Variants in BEST1 observed in about 807,000 individuals in gnomAD.
BEST1 encodes the protein bestrophin-1.
Under a neutral mutation model 63.3 loss-of-function variants are expected in BEST1, and 58 were observed. The observed-to-expected ratio is 0.92, with a 90% CI of 0.74 to 1.14. The LOEUF (loss-of-function observed/expected upper bound fraction) is 1.14, where lower values mean the gene tolerates loss of function less well. Among genes scored for constraint, BEST1 ranks in the 50% most tolerant of loss-of-function variants. BEST1 has a pLI of 0.00. For synonymous variants in BEST1, 283 were observed against 291.6 expected, an observed-to-expected ratio of 0.97 and a Z score of 0.30; for missense variants, 671 against 740.1, an observed-to-expected ratio of 0.91 and a Z score of 1.08.
Position 61,964,314 on chromosome 11 carries a change from A to G in BEST1, c.*192A>G. On this transcript the variant is annotated 3_prime_UTR_variant, in exon 11 of 11. Coordinates refer to ENST00000378043, the MANE Select transcript of BEST1 (RefSeq NM_004183.4). ...GCCTTTAATGCCTTTTATTCATAAA[A>G]ACTGTGAAAGCTAGACTGAACCATT... The G allele has an allele frequency of 8.9e-7, 1 of 1,121,362 alleles. No homozygotes were observed. The allele number at this position is 1,121,362 out of a possible 1,614,324, so 69.5% of individuals were successfully genotyped here. A position where few individuals can be genotyped will look rare whatever the true frequency, so the allele number is the denominator to read the frequency against.
chr11:61,958,267 T>G lies in BEST1; in HGVS notation c.836T>G (p.Leu279Arg). The change falls in exon 7 of 11, where the codon CTG becomes CGG. Residue 279 changes from leucine to arginine, a missense_variant. Leu to Arg is a moderately radical substitution (Grantham distance 102). Coordinates refer to ENST00000378043, the MANE Select transcript of BEST1 (RefSeq NM_004183.4). ...LDLVVPVFTF[L>R]QFFFYVGWLK... is the part of the protein sequence containing the mutation. ...CTCGTTGTGCCCGTCTTCACGTTCCTGCAGTTCTTCTTCTATGTTGGCTGG... is the reference window on the plus strand; with the variant it reads ...CTCGTTGTGCCCGTCTTCACGTTCCGGCAGTTCTTCTTCTATGTTGGCTGG... 1 of 1,614,242 alleles carries G rather than the reference T, an allele frequency of 6.2e-7. No individual in the cohort carries two copies. Among genetic ancestry groups the G allele is most frequent in the Non-Finnish European group, 8.5e-7 (1 of 1,180,036 alleles).
chr11:61,958,361 G>A (rs762277917), intron 7 of BEST1, 63 bp downstream of exon 7: 1 of 1,612,660 alleles, frequency 6.2e-7, no homozygotes, highest in Non-Finnish European at 8.5e-7. Flanking sequence ...GCCAGCAGCT[G>A]CCTGAGACGA....
At chr11:61,956,645 A>C (rs1351364947) in intron 4 of BEST1, among the ~76,000 whole-genome samples, 199 bp from the exon 5 acceptor site, 2 of 152,162 alleles carry the variant, frequency 1.3e-5, no homozygotes, top group African/African-American at 4.8e-5. Flanking sequence ...TGACAGAGCC[A>C]GACCCTTTCT....
intron 2 of BEST1, 137 bp from the exon 3 acceptor site, chr11:61,954,970 A>C (rs1941114409): frequency 6.6e-7 from 1 of 1,510,096 alleles, no homozygotes; most frequent in Non-Finnish European, 8.8e-7. Context: ...AGGCCTCAGG[A>C]GGGGCCCTGG....
chr11:61,962,859 G>A lies in BEST1; in HGVS notation c.1705G>A (p.Asp569Asn), dbSNP rs779987275. 1 of 1,614,136 alleles carries A rather than the reference G, an allele frequency of 6.2e-7. No homozygotes were observed. Among genetic ancestry groups the A allele is most frequent in the South Asian group, 1.1e-5 (1 of 91,084 alleles). The change falls in exon 10 of 11, where the codon GAT (aspartate) becomes AAT (asparagine). Residue 569 changes from aspartate to asparagine, a missense_variant. Physicochemically the swap from Asp to Asn is conservative, Grantham distance 23. Transcript: ENST00000378043. ...AACCAACATACACACTACACTCAAAGATCACATGGATCCTTATTGGGCCTT... is the reference window on the plus strand; with the variant it reads ...AACCAACATACACACTACACTCAAAAATCACATGGATCCTTATTGGGCCTT... ...SPTNIHTTLKDHMDPYWALEN... is the reference protein window; with the variant it reads ...SPTNIHTTLKNHMDPYWALEN...
chr11:61,956,452 G>A (rs1037904875), intron 4 of BEST1, among the ~76,000 whole-genome samples: 3 of 152,108 alleles, frequency 2.0e-5, no homozygotes, highest in African/African-American at 7.2e-5. Context: ...AGCTGTTTGA[G>A]ACGCCCCTGA....
At chr11:61,955,694 T>TCGCCCCC (rs1438317371) in intron 3 of BEST1, 24 bp from the exon 4 acceptor site, 3 of 767,048 alleles carry the variant, frequency 3.9e-6, no homozygotes, top group Non-Finnish European at 6.3e-6. Context: ...CCCTCGCCCC[T>TCGCCCCC]CGCCCCCCGC....
chr11:61,952,099 C>A, intron 2 of BEST1, 141 bp downstream of exon 2: 1 of 1,085,166 alleles, frequency 9.2e-7, no homozygotes, highest in Non-Finnish European at 1.4e-6. Context: ...AGGTCCTGGG[C>A]ACTGGAGCTG....
chr11:61,959,023 C>A (rs1376535520), intron 7 of BEST1: 5 of 256,012 alleles, frequency 2.0e-5, no homozygotes, highest in Non-Finnish European at 3.1e-5. Context: ...CTCCGGGGTG[C>A]CCCAGTGGCC....
chr11:61,961,920 G>A (rs1202542348), intron 9 of BEST1: 1 of 374,742 alleles, frequency 2.7e-6, no homozygotes, highest in African/African-American at 2.1e-5. Flanking sequence ...ACTCATGCCA[G>A]GGCACCAGTG....
chr11:61,953,658 C>T (rs1415855248), intron 2 of BEST1, among the ~76,000 whole-genome samples: 2 of 152,064 alleles, frequency 1.3e-5, no homozygotes, highest in African/African-American at 2.4e-5. Flanking sequence ...TGCAGTGAGC[C>T]GAGACCATGC....
At chr11:61,963,990 CAAA>C (rs34046408) in intron 10 of BEST1, 111 bp from the exon 11 acceptor site, 3,233 of 1,389,782 alleles carry the variant, frequency 2.3e-3, no homozygotes, top group East Asian at 3.4e-3. Context: ...GAGACTGTCT[CAAA>C]AAAAAAAAAA....
intron 1 of BEST1, among the ~76,000 whole-genome samples, chr11:61,951,513 T>C (rs1172883346): frequency 2.0e-5 from 3 of 152,176 alleles, no homozygotes; most frequent in Non-Finnish European, 4.4e-5. Context: ...CCAGTGATTA[T>C]AGAAAGTTAA....
At chr11:61,959,447 G>GGCTTTGAGGAGTTCTGCCTGAGGGTTT in intron 7 of BEST1, 51 bp from the exon 8 acceptor site, 1 of 1,573,194 alleles carries the variant, frequency 6.4e-7, no homozygotes, top group East Asian at 2.2e-5. Flanking sequence ...GGGGGAAGCT[G>GGCTTTGAGGAGTTCTGCCTGAGGGTTT]GCTTTGAGGA....
At chr11:61,951,750 A>C in intron 1 of BEST1, 21 bp from the exon 2 acceptor site, 1 of 1,604,064 alleles carries the variant, frequency 6.2e-7, no homozygotes, top group South Asian at 1.1e-5. Flanking sequence ...CAAACCCCCA[A>C]TCGGTGTCCC....
downstream of BEST1, chr11:61,964,476 G>A: frequency 3.2e-6 from 2 of 617,488 alleles, no homozygotes; most frequent in Non-Finnish European, 5.6e-6. Context: ...TTTGATTAGT[G>A]TGATTAGAAC....
downstream of BEST1, chr11:61,964,697 C>T (rs1411873595): frequency 1.9e-6 from 3 of 1,597,480 alleles, no homozygotes; most frequent in African/African-American, 4.0e-5. Context: ...GGGAAGTCAC[C>T]CCACGGCTAT....
In BEST1 at chr11:61,964,349, T is replaced by A; in HGVS notation, c.*227T>A. 3.5e-6 allele frequency: 3 copies of A among 859,582 alleles called. No individual in the cohort carries two copies. Among genetic ancestry groups the A allele is most frequent in the Non-Finnish European group, 5.2e-6 (3 of 573,396 alleles). 53.2% of individuals were successfully genotyped at this position (859,582 alleles called of 1,614,324 possible). On this transcript the variant is annotated 3_prime_UTR_variant, in exon 11 of 11. Coordinates refer to ENST00000378043, the MANE Select transcript of BEST1 (RefSeq NM_004183.4). ...GCTAGACTGAACCATTGGAAACATT[T>A]AACTCAGACTCTGGATTCAGAGTCG...
intron 9 of BEST1, chr11:61,961,013 GTTC>G (rs1565039630): frequency 6.6e-6 from 1 of 151,706 alleles, no homozygotes. Context: ...GTTCTCGCTT[GTTC>G]TTTTCTTTTT....
Sources: gnomAD v4.1 joint callset for allele counts (sites outside exome capture counted in the v4.1 genomes callset) on GRCh38, gnomAD v4.1.1 for gene constraint, MANE v1.5 for transcripts, NCBI Gene and HGNC (gene_info 2026-07-23, HGNC 2026-07-21) for gene names.